Variants in SMARCB1 observed in about 807,000 individuals in gnomAD.
SMARCB1 encodes the protein SWI/SNF related BAF chromatin remodeling complex subunit B1.
Under a neutral mutation model 49.0 loss-of-function variants are expected in SMARCB1, and 5 were observed. That is an observed-to-expected ratio of 0.10 (90% CI 0.05 to 0.21). SMARCB1 has a LOEUF of 0.21. Ranked by LOEUF, SMARCB1 falls within the 10% of genes least tolerant of loss-of-function variation. The pLI is 1.00. For synonymous variants in SMARCB1, 201 were observed against 200.1 expected (o/e 1.00, Z -0.04); for missense variants, 226 against 509.2 (o/e 0.44, Z 5.35).
At chr22:23,832,292 A>C (rs2146038640) in intron 7 of SMARCB1, among the ~76,000 whole-genome samples, 1 of 152,290 alleles carries the variant, frequency 6.6e-6, no homozygotes, top group South Asian at 2.1e-4. Flanking sequence ...TGGCTGCTTT[A>C]ATAACAGTCA....
rs1601450856 is a variant in SMARCB1, at chr22:23,835,465, G to T, written c.*1285G>T. The stretch of plus-strand genomic sequence containing the variant: ...GGGCCCCATGTGGGGCAGAGGCAGA[G>T]CTCTGATTAGGGATTGGGGTTCTTG... On this transcript the variant is annotated 3_prime_UTR_variant, in exon 9 of 9. Transcript: ENST00000644036. 5 of 985,848 alleles carry T rather than the reference G, an allele frequency of 5.1e-6. No individual in the cohort carries two copies. In the South Asian group the frequency reaches 2.3e-4, roughly 46 times the overall value. The allele number at this position is 985,848 out of a possible 1,614,324, so 61.1% of individuals were successfully genotyped here.
At chr22:23,795,042 C>T (rs1928651296) in intron 3 of SMARCB1, among the ~76,000 whole-genome samples, 2 of 152,042 alleles carry the variant, frequency 1.3e-5, no homozygotes, top group Non-Finnish European at 2.9e-5. Flanking sequence ...GATACCCCAA[C>T]AAATAGGTAA....
chr22:23,819,913 A>G (rs997530973), intron 6 of SMARCB1, among the ~76,000 whole-genome samples: 11 of 150,444 alleles, frequency 7.3e-5, no homozygotes, highest in Admixed American at 4.0e-4. Context: ...TGCAACTTCC[A>G]CCTCCTGGAT....
At chr22:23,816,982 G>A (rs1463798332) in intron 6 of SMARCB1, 46 bp downstream of exon 6, 1 of 1,542,480 alleles carries the variant, frequency 6.5e-7, no homozygotes. Flanking sequence ...GGCCCTCAGG[G>A]TGGGTGTCAT....
chr22:23,826,703 G>A (rs974139663), intron 7 of SMARCB1, among the ~76,000 whole-genome samples: 3 of 152,228 alleles, frequency 2.0e-5, no homozygotes, highest in Admixed American at 6.5e-5. Context: ...AATGGAGCTC[G>A]TTAGGTTTGT....
chr22:23,804,025 T>C (rs1203430520), intron 5 of SMARCB1: 1 of 154,386 alleles, frequency 6.5e-6, no homozygotes, highest in African/African-American at 2.4e-5. Context: ...CATTTATTGT[T>C]TTCTCTATTT....
In SMARCB1 at chr22:23,836,879, G is replaced by A. The variant is rs116973561; in HGVS notation, c.*2699G>A. On this transcript the variant is annotated 3_prime_UTR_variant, in exon 9 of 9. Transcript: ENST00000644036. Reference sequence around the variant, plus strand: ...GGCCCTGGGTGGGGGTCACTGCTGCGGGGGTGGCAGATGGGGTCCTGGCTG... The same window carrying A: ...GGCCCTGGGTGGGGGTCACTGCTGCAGGGGTGGCAGATGGGGTCCTGGCTG... 0.013 allele frequency: 19,575 copies of A among 1,474,668 alleles called. 151 individuals are homozygous for A. The highest frequency in any genetic ancestry group is 0.019 in the South Asian group (1,322 of 70,304). The allele number at this position is 1,474,668 out of a possible 1,614,324, so 91.3% of individuals were successfully genotyped here. A position where few individuals can be genotyped will look rare whatever the true frequency, so the allele number is the denominator to read the frequency against.
intron 5 of SMARCB1, among the ~76,000 whole-genome samples, chr22:23,811,104 TAGTATC>T (rs1319750188): frequency 6.6e-6 from 1 of 151,254 alleles, no homozygotes; most frequent in Non-Finnish European, 1.5e-5. Flanking sequence ...GTGACAATGT[TAGTATC>T]AGTAAGGCAG....
chr22:23,832,503 A>AGTG (rs979612415), intron 7 of SMARCB1, among the ~76,000 whole-genome samples: 1 of 152,018 alleles, frequency 6.6e-6, no homozygotes, highest in Non-Finnish European at 1.5e-5. Context: ...GGGAGAGCCA[A>AGTG]GTGGAGGTGC....
chr22:23,798,762 G>C (rs529265747), intron 3 of SMARCB1, among the ~76,000 whole-genome samples: 1 of 152,072 alleles, frequency 6.6e-6, no homozygotes, highest in Admixed American at 6.6e-5. Flanking sequence ...ACTGTCAAAC[G>C]TTTGTCGGCC....
chr22:23,794,202 A>G (rs1310019203), intron 3 of SMARCB1, among the ~76,000 whole-genome samples: 2 of 152,238 alleles, frequency 1.3e-5, no homozygotes, highest in Non-Finnish European at 2.9e-5. Flanking sequence ...TTGGCATCCC[A>G]GAGTGCTGGG....
At position 23,786,997 on chromosome 22, in the gene SMARCB1, C is replaced by A; in HGVS notation, c.-173C>A. On this transcript the variant is annotated 5_prime_UTR_variant, in exon 1 of 9. Coordinates refer to ENST00000644036, the MANE Select transcript of SMARCB1 (RefSeq NM_003073.5). Reference sequence around the variant, plus strand: ...GCCTGCGCACTGAGGGCGGCCTGGTCGTCGTCTGCGGCGGCGGCGGCGGCT... The same window carrying A: ...GCCTGCGCACTGAGGGCGGCCTGGTAGTCGTCTGCGGCGGCGGCGGCGGCT... 4 of 501,778 alleles carry A rather than the reference C, an allele frequency of 8.0e-6. No individual in the cohort carries two copies. Among genetic ancestry groups the A allele is most frequent in the South Asian group, 8.0e-5 (3 of 37,734 alleles). The allele number at this position is 501,778 out of a possible 1,614,324, so 31.1% of individuals were successfully genotyped here. A position where few individuals can be genotyped will look rare whatever the true frequency, so the allele number is the denominator to read the frequency against.
At chr22:23,789,808 T>C (rs1295166451) in intron 1 of SMARCB1, among the ~76,000 whole-genome samples, 3 of 152,120 alleles carry the variant, frequency 2.0e-5, no homozygotes, top group Non-Finnish European at 4.4e-5. Context: ...CCAGTGATAG[T>C]AGTGGATGGA....
At chr22:23,831,479 A>G (rs2030654421) in intron 7 of SMARCB1, among the ~76,000 whole-genome samples, 2 of 152,170 alleles carry the variant, frequency 1.3e-5, no homozygotes, top group Non-Finnish European at 2.9e-5. Context: ...AATGGGGAGC[A>G]GGGTGGCTCC....
chr22:23,817,248 G>A, intron 6 of SMARCB1: 2 of 519,088 alleles, frequency 3.9e-6, no homozygotes, highest in Non-Finnish European at 3.5e-6. Context: ...AGTGCTCCAG[G>A]GGGGCCTAGT....
chr22:23,834,064 C>G, intron 8 of SMARCB1, 77 bp from the exon 9 acceptor site: 1 of 1,482,268 alleles, frequency 6.7e-7, no homozygotes. Context: ...ACTTGGCTGC[C>G]CTGTAGAGCC....
chr22:23,822,957 CTTTTTTTTTTTTTTTTTTTTTTTT>C (rs58056758), intron 6 of SMARCB1, among the ~76,000 whole-genome samples: 1,428 of 72,740 alleles, frequency 0.02, 50 homozygotes, highest in South Asian at 0.12. Flanking sequence ...ACCAGCATAG[CTTTTTTTTTTTTTTTTTTTTTTTT>C]TTTTTTTTTT....
At chr22:23,798,652 C>T (rs1448602209) in intron 3 of SMARCB1, among the ~76,000 whole-genome samples, 1 of 152,122 alleles carries the variant, frequency 6.6e-6, no homozygotes, top group Admixed American at 6.6e-5. Context: ...TTAAAGGGCC[C>T]AGAGTCCAGG....
chr22:23,827,039 G>A (rs981028869), intron 7 of SMARCB1, among the ~76,000 whole-genome samples: 1 of 152,220 alleles, frequency 6.6e-6, no homozygotes, highest in Non-Finnish European at 1.5e-5. Flanking sequence ...CAAGCCCTAT[G>A]GCCGGAGAGC....
Sources: gnomAD v4.1 joint callset for allele counts (sites outside exome capture counted in the v4.1 genomes callset) on GRCh38, gnomAD v4.1.1 for gene constraint, MANE v1.5 for transcripts, NCBI Gene and HGNC (gene_info 2026-07-23, HGNC 2026-07-21) for gene names.